PDE4B: variants seen among roughly 807,000 people sequenced by gnomAD.
The protein encoded by PDE4B is phosphodiesterase 4B.
Under a neutral mutation model 82.2 loss-of-function variants are expected in PDE4B, and 20 were observed. That is an observed-to-expected ratio of 0.24 (90% confidence interval 0.17 to 0.35). The LOEUF is 0.35. PDE4B is among the 10% of genes least tolerant of loss of function. PDE4B has a pLI of 1.00. For missense variants in PDE4B, 655 were observed against 907.2 expected, an observed-to-expected ratio of 0.72 and a Z score of 3.57; for synonymous variants, 320 against 318.9, an observed-to-expected ratio of 1.00 and a Z score of -0.04.
At chr1:66,216,493 C>T (rs188998808) in intron 3 of PDE4B, among the ~76,000 whole-genome samples, 52 of 152,194 alleles carry the variant, frequency 3.4e-4, no homozygotes, top group Middle Eastern at 3.4e-3. Context: ...TCAACTACAC[C>T]TCTGAATTTC....
intron 7 of PDE4B, among the ~76,000 whole-genome samples, chr1:66,288,582 C>T (rs1656849583): frequency 6.6e-6 from 1 of 152,134 alleles, no homozygotes; most frequent in African/African-American, 2.4e-5. Context: ...GTTTGACCCC[C>T]ATTTCCTAAA....
chr1:66,285,524 C>A (rs899186653), intron 7 of PDE4B, among the ~76,000 whole-genome samples: 3 of 152,040 alleles, frequency 2.0e-5, no homozygotes, highest in African/African-American at 7.2e-5. Context: ...TAGTCTCCAA[C>A]AGCCATTATT....
At chr1:66,067,014 C>A (rs1462459968) in intron 3 of PDE4B, among the ~76,000 whole-genome samples, 1 of 151,970 alleles carries the variant, frequency 6.6e-6, no homozygotes, top group Non-Finnish European at 1.5e-5. Flanking sequence ...AATATTCACA[C>A]AACAAAAAGT....
intron 3 of PDE4B, among the ~76,000 whole-genome samples, chr1:66,146,010 A>G (rs1306501780): frequency 6.6e-6 from 1 of 152,152 alleles, no homozygotes; most frequent in Admixed American, 6.5e-5. Context: ...TCAGGACAGG[A>G]AGGCATTTGA....
At chr1:66,124,046 A>G (rs1645769105) in intron 3 of PDE4B, among the ~76,000 whole-genome samples, 1 of 152,246 alleles carries the variant, frequency 6.6e-6, no homozygotes, top group Admixed American at 6.5e-5. Context: ...TTTCATTAGC[A>G]AGTTTAAAGA....
chr1:66,078,432 A>T (rs1265828861), intron 3 of PDE4B, among the ~76,000 whole-genome samples: 1 of 151,766 alleles, frequency 6.6e-6, no homozygotes, highest in East Asian at 1.9e-4. Flanking sequence ...CTGGTCTCGA[A>T]CTCCTGACCT....
chr1:65,799,746 C>A (rs958742028), intron 1 of PDE4B, among the ~76,000 whole-genome samples: 4 of 152,138 alleles, frequency 2.6e-5, no homozygotes. Flanking sequence ...TCTAGAGTGG[C>A]AGTAGGTGAG....
At chr1:66,364,548 A>C (rs1663080175) in intron 12 of PDE4B, among the ~76,000 whole-genome samples, 1 of 152,180 alleles carries the variant, frequency 6.6e-6, no homozygotes, top group African/African-American at 2.4e-5. Context: ...GTCCAGCCTC[A>C]CCTTTACAGA....
At chr1:66,313,027 T>C (rs986856521) in intron 7 of PDE4B, among the ~76,000 whole-genome samples, 1 of 152,232 alleles carries the variant, frequency 6.6e-6, no homozygotes, top group Admixed American at 6.5e-5. Flanking sequence ...TTTTAAATTC[T>C]AGCAGTGTTC....
chr1:65,819,925 A>G (rs1027552947), intron 1 of PDE4B, among the ~76,000 whole-genome samples: 1 of 152,240 alleles, frequency 6.6e-6, no homozygotes, highest in Non-Finnish European at 1.5e-5. Context: ...AAATCATGTT[A>G]CGAATTCACA....
At chr1:66,299,663 A>G (rs1657749448) in intron 7 of PDE4B, among the ~76,000 whole-genome samples, 1 of 152,182 alleles carries the variant, frequency 6.6e-6, no homozygotes, top group African/African-American at 2.4e-5. Context: ...AGCTGTGCTA[A>G]CTTACTTTCC....
chr1:66,179,329 C>G (rs896233773), intron 3 of PDE4B, among the ~76,000 whole-genome samples: 1 of 152,026 alleles, frequency 6.6e-6, no homozygotes, highest in Non-Finnish European at 1.5e-5. Flanking sequence ...ATAATTTTTT[C>G]CTTTATTTGT....
chr1:65,993,195 A>G (rs1050973437), intron 3 of PDE4B: 2 of 1,321,342 alleles, frequency 1.5e-6, no homozygotes, highest in African/African-American at 3.0e-5. Flanking sequence ...TCGCATTAGC[A>G]CCAGTGATCT....
chr1:66,002,454 A>G (rs574416169), intron 3 of PDE4B, among the ~76,000 whole-genome samples: 58 of 152,094 alleles, frequency 3.8e-4, no homozygotes, highest in African/African-American at 1.4e-3. Flanking sequence ...TCATAACATG[A>G]TTTTTCTTGC....
chr1:66,183,960 T>C (rs11208808), intron 3 of PDE4B, among the ~76,000 whole-genome samples: 5,993 of 152,114 alleles, frequency 0.039, 228 homozygotes, highest in African/African-American at 0.1. Context: ...AATGTTTCAA[T>C]AGGTAAAGAT....
intron 1 of PDE4B, among the ~76,000 whole-genome samples, chr1:65,815,478 AACATGGT>A (rs1645871991): frequency 6.6e-6 from 1 of 152,168 alleles, no homozygotes; most frequent in Non-Finnish European, 1.5e-5. Flanking sequence ...GAATAAATGC[AACATGGT>A]ATCCTGGATT....
intron 3 of PDE4B, among the ~76,000 whole-genome samples, chr1:66,060,200 C>G (rs1392240423): frequency 6.6e-6 from 1 of 152,156 alleles, no homozygotes. Flanking sequence ...TGTGAAGCTT[C>G]AGGATTAAAT....
intron 3 of PDE4B, among the ~76,000 whole-genome samples, chr1:66,025,394 T>A (rs1248965801): frequency 6.6e-6 from 1 of 152,160 alleles, no homozygotes; most frequent in African/African-American, 2.4e-5. Context: ...GCTAAATTCC[T>A]TATCTCTTTA....
intron 1 of PDE4B, among the ~76,000 whole-genome samples, chr1:65,903,897 A>G (rs1319526413): frequency 6.6e-6 from 1 of 152,194 alleles, no homozygotes; most frequent in Non-Finnish European, 1.5e-5. Flanking sequence ...ATATCCAATT[A>G]TATTTCAGTT....
Sources: gnomAD v4.1 joint callset for allele counts (sites outside exome capture counted in the v4.1 genomes callset) on GRCh38, gnomAD v4.1.1 for gene constraint, MANE v1.5 for transcripts, NCBI Gene and HGNC (gene_info 2026-07-23, HGNC 2026-07-21) for gene names.